Variants in SMIM36 observed in about 807,000 individuals in gnomAD.
The protein encoded by SMIM36 is small integral membrane protein 36.
chr17:55,491,941 C>T (rs184560503), intron 1 of SMIM36, among the ~76,000 whole-genome samples: 306 of 152,168 alleles, frequency 2.0e-3, no homozygotes, highest in Non-Finnish European at 9.7e-4. Context: ...GGGGGAATCA[C>T]GAGGTCAGTA....
chr17:55,516,528 G>T, the SMIM36 span, among the ~76,000 whole-genome samples: 1 of 147,876 alleles, frequency 6.8e-6, no homozygotes, highest in African/African-American at 2.5e-5. Flanking sequence ...GTAGGAAAGA[G>T]AAAGTGAGGA....
At chr17:55,477,959 T>C (rs756039889) in intron 3 of SMIM36, among the ~76,000 whole-genome samples, 1 of 151,918 alleles carries the variant, frequency 6.6e-6, no homozygotes, top group Non-Finnish European at 1.5e-5. Flanking sequence ...AGTGAATATT[T>C]GACATTTCCA....
chr17:55,450,138 G>T (rs1908881696), exon 5 of SMIM36: 2 of 152,164 alleles, frequency 1.3e-5, no homozygotes, highest in Admixed American at 6.6e-5. Context: ...AGAAGAAGAG[G>T]CAGCAGTATG....
intron 1 of SMIM36, among the ~76,000 whole-genome samples, chr17:55,491,195 T>C (rs1567868290): frequency 6.8e-6 from 1 of 146,574 alleles, no homozygotes; most frequent in South Asian, 2.1e-4. Context: ...TGAGCCATGA[T>C]TGCACCATTG....
At chr17:55,456,420 A>G (rs980123867) in intron 4 of SMIM36, among the ~76,000 whole-genome samples, 2 of 152,176 alleles carry the variant, frequency 1.3e-5, no homozygotes, top group Non-Finnish European at 2.9e-5. Flanking sequence ...TTAAGTACCA[A>G]TTCACCTTTA....
At chr17:55,455,825 C>CA (rs934914226) in intron 4 of SMIM36, among the ~76,000 whole-genome samples, 2 of 150,564 alleles carry the variant, frequency 1.3e-5, no homozygotes, top group Admixed American at 6.6e-5. Flanking sequence ...CAAACAAAAA[C>CA]AAAAAAAACA....
chr17:55,472,153 A>C (rs1909349520), intron 3 of SMIM36, among the ~76,000 whole-genome samples: 1 of 151,960 alleles, frequency 6.6e-6, no homozygotes, highest in Non-Finnish European at 1.5e-5. Flanking sequence ...CTTTCCTCAT[A>C]TTTCTATTCT....
chr17:55,488,386 T>C (rs1909643717), intron 1 of SMIM36, among the ~76,000 whole-genome samples: 1 of 152,212 alleles, frequency 6.6e-6, no homozygotes, highest in African/African-American at 2.4e-5. Context: ...TAGAGATTCA[T>C]TGTAGAAAAA....
the SMIM36 span, among the ~76,000 whole-genome samples, chr17:55,525,979 T>G: frequency 7.1e-6 from 1 of 140,450 alleles, no homozygotes; most frequent in Non-Finnish European, 1.6e-5. Flanking sequence ...TTGATTTGTT[T>G]TGATTTGGGA....
intron 4 of SMIM36, among the ~76,000 whole-genome samples, chr17:55,462,297 A>T (rs551508088): frequency 6.6e-6 from 1 of 152,334 alleles, no homozygotes; most frequent in Non-Finnish European, 1.5e-5. Flanking sequence ...TCATTTCCTC[A>T]TCTGAAAAAT....
chr17:55,466,276 T>TCAAAAA, intron 4 of SMIM36, among the ~76,000 whole-genome samples: 3 of 32,286 alleles, frequency 9.3e-5, no homozygotes, highest in African/African-American at 6.2e-4. Flanking sequence ...AGACTCCGTC[T>TCAAAAA]CAAAAAAAAA....
intron 1 of SMIM36, among the ~76,000 whole-genome samples, chr17:55,500,605 ATTT>A (rs1479938343): frequency 6.6e-6 from 1 of 151,074 alleles, no homozygotes; most frequent in African/African-American, 2.4e-5. Flanking sequence ...TCTTTAGAGT[ATTT>A]TTAGTTTTTT....
chr17:55,496,163 C>T (rs528060164), intron 1 of SMIM36, among the ~76,000 whole-genome samples: 10 of 152,306 alleles, frequency 6.6e-5, no homozygotes, highest in African/African-American at 2.2e-4. Flanking sequence ...TCCGCTGAGC[C>T]ACTCTTGGGC....
chr17:55,495,567 C>T (rs1426037067), intron 1 of SMIM36, among the ~76,000 whole-genome samples: 4 of 151,848 alleles, frequency 2.6e-5, no homozygotes, highest in East Asian at 1.9e-4. Flanking sequence ...AGGTAAGGAT[C>T]GGTTGAGGAC....
At chr17:55,466,967 G>A (rs929866702) in intron 4 of SMIM36, among the ~76,000 whole-genome samples, 178 bp downstream of exon 4, 1 of 152,238 alleles carries the variant, frequency 6.6e-6, no homozygotes, top group African/African-American at 2.4e-5. Flanking sequence ...CATAGTAACA[G>A]AAGGGGGAAA....
At chr17:55,462,316 A>G (rs1369416611) in intron 4 of SMIM36, among the ~76,000 whole-genome samples, 7 of 152,228 alleles carry the variant, frequency 4.6e-5, no homozygotes, top group Admixed American at 1.3e-4. Context: ...ATGGGCTAAT[A>G]AAAGCTGCCA....
intron 1 of SMIM36, among the ~76,000 whole-genome samples, chr17:55,490,058 T>C (rs979372909): frequency 4.6e-5 from 7 of 151,754 alleles, no homozygotes; most frequent in Non-Finnish European, 7.4e-5. Flanking sequence ...GGTTTCACCA[T>C]GTTAGCCAGG....
the SMIM36 span, among the ~76,000 whole-genome samples, chr17:55,522,356 T>C: frequency 0.53 from 81,117 of 152,102 alleles, 22,332 homozygotes; most frequent in East Asian, 0.8. Flanking sequence ...CCTCCTGTAT[T>C]AGTGTGTTCT....
At chr17:55,478,523 C>T (rs1170032024) in intron 3 of SMIM36, among the ~76,000 whole-genome samples, 1 of 152,102 alleles carries the variant, frequency 6.6e-6, no homozygotes, top group Non-Finnish European at 1.5e-5. Flanking sequence ...AGCCACCACA[C>T]CTGGCCTATT....
Sources: allele counts gnomAD v4.1 joint callset (sites outside exome capture counted in the v4.1 genomes callset), GRCh38; gene constraint gnomAD v4.1.1; transcripts MANE v1.5; gene names NCBI Gene and HGNC (gene_info 2026-07-23, HGNC 2026-07-21).